GATAD2A: variants seen among roughly 807,000 people sequenced by gnomAD.
GATAD2A encodes transcriptional repressor p66-alpha.
Under a neutral mutation model 68.5 loss-of-function variants are expected in GATAD2A, and 12 were observed. That is an observed-to-expected ratio of 0.18 (90% CI 0.11 to 0.28). GATAD2A has a LOEUF of 0.28. Among genes scored for constraint, GATAD2A ranks in the 10% least tolerant of loss-of-function variants. The pLI, the probability that GATAD2A is intolerant of heterozygous loss-of-function variation, is 1.00. For synonymous variants in GATAD2A, 410 were observed against 375.3 expected, an observed-to-expected ratio of 1.09 and a Z score of -1.07; for missense variants, 755 against 868.5, an observed-to-expected ratio of 0.87 and a Z score of 1.64.
At chr19:19,405,326 G>T (rs2050091750), upstream of GATAD2A, among the ~76,000 whole-genome samples, 1 of 152,206 alleles carries the variant, frequency 6.6e-6, no homozygotes, top group African/African-American at 2.4e-5. Flanking sequence ...CGTTTCAGAG[G>T]CAACCCTGAG....
In GATAD2A at chr19:19,453,973, GT is replaced by G. The variant is rs545327856; in HGVS notation, c.-6-11354del. ...CACCACACCTGGCCAAATTTTTTGTGTTTTTTTTTTTTTGTTTATTTTTTGT... is the reference window on the plus strand; with the variant it reads ...CACCACACCTGGCCAAATTTTTTGTGTTTTTTTTTTTTGTTTATTTTTTGT... On this transcript the variant is annotated intron_variant, in intron 1 of 11. Transcript: ENST00000683918. Among the ~76,000 whole-genome samples the G allele has an allele frequency of 8.9e-3, 1,175 of 132,228 alleles. 10 individuals are homozygous for G. The highest frequency in any genetic ancestry group is 0.048 in the South Asian group (199 of 4,174). 86.7% of individuals were successfully genotyped at this position (132,228 alleles called of 152,430 possible). A position where few individuals can be genotyped will look rare whatever the true frequency, so the allele number is the denominator to read the frequency against.
At chr19:19,389,302 C>G (rs1184638465) in intron 1 of GATAD2A, among the ~76,000 whole-genome samples, 1 of 152,182 alleles carries the variant, frequency 6.6e-6, no homozygotes, top group Non-Finnish European at 1.5e-5. Flanking sequence ...AAGTAGAGTT[C>G]TGAAGTATAG....
Position 19,501,326 on chromosome 19 carries a change from G to A in GATAD2A, c.1413G>A (p.Gln471=), listed in dbSNP as rs1198409058. 1.2e-6 allele frequency: 2 copies of A among 1,613,022 alleles called. No individual in the cohort carries two copies. Among genetic ancestry groups the A allele is most frequent in the Non-Finnish European group, 1.7e-6 (2 of 1,179,952 alleles). ...TTGTGAAGGCGCTGCAGCAGGAACA[G>A]GAGATTGAGCAGCGGCTCCTGCAGC... ...AAFVKALQQE[Q]EIEQRLLQQG... Residue 471 remains glutamine (Q), a synonymous_variant, in exon 9 of 12, where the codon CAG becomes CAA. Transcript: ENST00000683918.
intron 11 of GATAD2A, among the ~76,000 whole-genome samples, 192 bp from the exon 12 acceptor site, chr19:19,505,152 G>A (rs1195253332): frequency 6.6e-6 from 1 of 151,766 alleles, no homozygotes; most frequent in African/African-American, 2.4e-5. Flanking sequence ...TTGAGTTGCT[G>A]CCTAAATACT....
intron 2 of GATAD2A, among the ~76,000 whole-genome samples, chr19:19,484,737 GTTA>G (rs2059317097): frequency 6.6e-6 from 1 of 151,920 alleles, no homozygotes; most frequent in Non-Finnish European, 1.5e-5. Flanking sequence ...GTTTCACTGT[GTTA>G]GCCAGGATGG....
intron 2 of GATAD2A, among the ~76,000 whole-genome samples, chr19:19,469,947 GA>G (rs112539183): frequency 9.0e-4 from 121 of 135,130 alleles, no homozygotes; most frequent in Admixed American, 1.0e-3. Flanking sequence ...GTCTGTCTCA[GA>G]AAAAAAAAAA....
chr19:19,448,413 C>G (rs1340809562), intron 1 of GATAD2A, among the ~76,000 whole-genome samples: 1 of 152,232 alleles, frequency 6.6e-6, no homozygotes, highest in African/African-American at 2.4e-5. Flanking sequence ...GGGCACTGAA[C>G]AGTTCTGAGA....
chr19:19,391,794 T>C (rs931216875), intron 1 of GATAD2A, among the ~76,000 whole-genome samples: 1 of 152,190 alleles, frequency 6.6e-6, no homozygotes, highest in Non-Finnish European at 1.5e-5. Context: ...AGCTTCTAAC[T>C]CTGGACGATA....
At chr19:19,495,959 C>T (rs944982824) in intron 6 of GATAD2A, 74 bp downstream of exon 6, 13 of 1,585,502 alleles carry the variant, frequency 8.2e-6, no homozygotes, top group African/African-American at 1.3e-5. Flanking sequence ...GGGCCCTTCC[C>T]AGTCCTTGGG....
At chr19:19,422,868 C>G (rs1006276961) in intron 1 of GATAD2A, among the ~76,000 whole-genome samples, 1 of 151,968 alleles carries the variant, frequency 6.6e-6, no homozygotes, top group Non-Finnish European at 1.5e-5. Flanking sequence ...CCCACCACCA[C>G]GCCCGGCTAA....
At chr19:19,488,238 C>A (rs974655247) in intron 2 of GATAD2A, among the ~76,000 whole-genome samples, 1 of 152,238 alleles carries the variant, frequency 6.6e-6, no homozygotes, top group Non-Finnish European at 1.5e-5. Context: ...ACAGCCTTGC[C>A]CCCACCTGCC....
chr19:19,454,441 T>C (rs1034116089), intron 1 of GATAD2A, among the ~76,000 whole-genome samples: 1 of 151,542 alleles, frequency 6.6e-6, no homozygotes, highest in Non-Finnish European at 1.5e-5. Context: ...GTTCCAAAAA[T>C]ACAAAAAATT....
At chr19:19,499,518 A>G (rs374585012) in intron 8 of GATAD2A, among the ~76,000 whole-genome samples, 2 of 151,676 alleles carry the variant, frequency 1.3e-5, no homozygotes, top group East Asian at 1.9e-4. Context: ...GGGTGTGTGC[A>G]GAGAAGCACC....
rs1193085913 is a variant in GATAD2A, at chr19:19,496,097, C to T, written c.802C>T (p.Leu268Phe). 1 of 1,613,696 alleles carries T rather than the reference C, an allele frequency of 6.2e-7. No individual in the cohort carries two copies. Among genetic ancestry groups the T allele is most frequent in the Non-Finnish European group, 8.5e-7 (1 of 1,179,928 alleles). The change falls in exon 7 of 12, where the codon CTC becomes TTC. Residue 268 changes from leucine (L) to phenylalanine (F), a missense_variant. Transcript: ENST00000683918. ...RQHSSTGPPP[L>F]LLAPRASVPS... ...ACATTCCAGCACAGGGCCACCGCCC[C>T]TCCTCCTGGCCCCCCGGGCGTCGGT... is the stretch of plus-strand genomic sequence containing the variant.
At chr19:19,498,375 G>A (rs2060290018) in intron 7 of GATAD2A, 68 bp from the exon 8 acceptor site, 13 of 1,472,070 alleles carry the variant, frequency 8.8e-6, no homozygotes, top group Admixed American at 6.0e-5. Context: ...CTCGGGCTTC[G>A]GGGCGCTGGG....
intron 1 of GATAD2A, chr19:19,435,240 G>T (rs2054199862): frequency 4.4e-6 from 2 of 456,882 alleles, no homozygotes; most frequent in Non-Finnish European, 9.4e-6. Context: ...GTTGTTTTTT[G>T]AGACAGGGTC....
At position 19,501,120 on chromosome 19, in the gene GATAD2A, G is replaced by A. The variant is rs1447299237; in HGVS notation, c.1207G>A (p.Gly403Ser). Residue 403 changes from glycine (G) to serine (S), a missense_variant and splice_region_variant, in exon 9 of 12, where the codon GGC (glycine) becomes AGC (serine). By Grantham distance (56) the Gly-to-Ser change is moderately conservative. Coordinates refer to ENST00000683918, the MANE Select transcript of GATAD2A (RefSeq NM_001384528.1). ...VVQNLLETQA[G>S]RMSAATVLSR... ...AGCCATGTGCTGTCTGCTTGCAGCA[G>A]GCAGGATGTCGGCCGCCACTGTGCT... 6.2e-7 allele frequency: 1 copy of A among 1,607,542 alleles called. No homozygotes were observed. The highest frequency in any genetic ancestry group is 8.5e-7 in the Non-Finnish European group (1 of 1,175,336).
chr19:19,475,667 A>C (rs928866972), intron 2 of GATAD2A, among the ~76,000 whole-genome samples: 11 of 152,150 alleles, frequency 7.2e-5, no homozygotes, highest in African/African-American at 2.7e-4. Flanking sequence ...GCTCATGGGA[A>C]CTGAGAGGTA....
At chr19:19,401,092 A>T (rs531544677), upstream of GATAD2A, among the ~76,000 whole-genome samples, 9 of 143,038 alleles carry the variant, frequency 6.3e-5, no homozygotes, top group South Asian at 2.1e-3. Flanking sequence ...GTGAGCCAAG[A>T]TGATGCCACT....
Sources: allele counts gnomAD v4.1 joint callset (sites outside exome capture counted in the v4.1 genomes callset), GRCh38; gene constraint gnomAD v4.1.1; transcripts MANE v1.5; gene names NCBI Gene and HGNC (gene_info 2026-07-23, HGNC 2026-07-21).